The following RBBP8 variants were observed in gnomAD, a reference collection of about 807,000 sequenced individuals.
The protein encoded by RBBP8 is RB binding protein 8, endonuclease.
RBBP8 carries 88 observed loss-of-function variants against 108.3 expected under a neutral mutation model. That is an observed-to-expected ratio of 0.81 (90% CI 0.68 to 0.97). The LOEUF (loss-of-function observed/expected upper bound fraction) is 0.97. RBBP8 is among the 50% of genes least tolerant of loss of function. The pLI, the probability that RBBP8 is intolerant of heterozygous loss-of-function variation, is 0.00. For missense variants in RBBP8, 1,023 were observed against 1,049.0 expected (o/e 0.98, Z 0.34); for synonymous variants, 332 against 348.2 (o/e 0.95, Z 0.52).
chr18:23,005,689 AG>A (rs2046030834), intron 15 of RBBP8, among the ~76,000 whole-genome samples: 1 of 152,094 alleles, frequency 6.6e-6, no homozygotes, highest in Admixed American at 6.5e-5. Flanking sequence ...CTGAGATTAC[AG>A]GTGTGAGCCA....
At chr18:22,952,265 A>G (rs1002894125) in intron 4 of RBBP8, among the ~76,000 whole-genome samples, 1 of 152,208 alleles carries the variant, frequency 6.6e-6, no homozygotes, top group Non-Finnish European at 1.5e-5. Context: ...AATGTCAAGT[A>G]GATAGATGTA....
At chr18:22,927,000 T>G (rs1567938631) in intron 3 of RBBP8, among the ~76,000 whole-genome samples, 1 of 152,244 alleles carries the variant, frequency 6.6e-6, no homozygotes, top group Non-Finnish European at 1.5e-5. Flanking sequence ...CACTGATTGA[T>G]GTATACTCCC....
At chr18:23,001,828 T>C (rs1440473546) in intron 15 of RBBP8, 99 bp downstream of exon 15, 17 of 1,431,426 alleles carry the variant, frequency 1.2e-5, no homozygotes, top group Middle Eastern at 1.8e-4. Context: ...ATATCAACAA[T>C]TGAAGTTTCA....
chr18:23,023,869 C>CTTTTTTTTTTT (rs10655759), intron 18 of RBBP8, among the ~76,000 whole-genome samples: 3 of 86,118 alleles, frequency 3.5e-5, no homozygotes, highest in African/African-American at 9.3e-5. Context: ...ATGAAGGGGC[C>CTTTTTTTTTTT]TTTTTTTTTT....
In RBBP8 at chr18:22,968,855, C is replaced by T. The variant is rs373804633; in HGVS notation, c.298C>T (p.Arg100Trp). ...CTGTGCAGTAACTGAAGAACATATGCGGAAAAAACAGCAAGAGTTTGAAAA... is the reference window on the plus strand; with the variant it reads ...CTGTGCAGTAACTGAAGAACATATGTGGAAAAAACAGCAAGAGTTTGAAAA... Reference protein sequence around the residue: ...DRCAVTEEHMRKKQQEFENIR... With the variant: ...DRCAVTEEHMWKKQQEFENIR... Residue 100 changes from arginine (R) to tryptophan (W), a missense_variant, in exon 5 of 19, where the codon CGG (arginine) becomes TGG (tryptophan). Transcript: ENST00000327155. The T allele has an allele frequency of 5.3e-5, 85 of 1,613,214 alleles. No homozygotes were observed. In the Middle Eastern group the frequency reaches 4.0e-3, roughly 75 times the overall value.
chr18:22,927,681 A>G (rs1909842822), intron 3 of RBBP8, among the ~76,000 whole-genome samples: 1 of 152,122 alleles, frequency 6.6e-6, no homozygotes, highest in South Asian at 2.1e-4. Context: ...TTTTAGATAA[A>G]CTGGGTTAAA....
At position 23,009,572 on chromosome 18, in the gene RBBP8, A is replaced by G. The variant is rs1052891518; in HGVS notation, c.2357+3140A>G. 4.0e-5 allele frequency among the ~76,000 whole-genome samples: 6 copies of G among 151,084 alleles called. No homozygotes were observed. The East Asian group carries it at 5.8e-4, about 15-fold the overall frequency. ...TATATAATGGACACAAAGTATGTAC[A>G]TTGTACCAGACTACAAGTATATTCA... On this transcript the variant is annotated intron_variant, in intron 16 of 18. Coordinates refer to ENST00000327155, the MANE Select transcript of RBBP8 (RefSeq NM_002894.3).
chr18:22,979,950 A>G (rs1208035697), intron 6 of RBBP8, among the ~76,000 whole-genome samples: 1 of 152,220 alleles, frequency 6.6e-6, no homozygotes, highest in East Asian at 1.9e-4. Flanking sequence ...CAATAGATAC[A>G]ATAAATAAAT....
At position 22,964,382 on chromosome 18, in the gene RBBP8, T is replaced by TC. The variant is rs1221350637; in HGVS notation, c.249-4424_249-4423insC. On this transcript the variant is annotated intron_variant, in intron 4 of 18. Transcript: ENST00000327155. ...TGTGCTGGAGACTTAGGTTTTTTTT[T>TC]TTTTTTTCTTTTCAGTCCTTTAAGT... Among the ~76,000 whole-genome samples the TC allele has an allele frequency of 3.3e-5, 5 of 151,266 alleles. No homozygotes were observed. In the East Asian group the frequency reaches 9.7e-4, roughly 29 times the overall value.
chr18:23,017,741 C>CTTTTTTTTTTTTT (rs928545363), intron 17 of RBBP8, among the ~76,000 whole-genome samples: 1 of 89,196 alleles, frequency 1.1e-5, no homozygotes, highest in African/African-American at 5.0e-5. Context: ...AATATAAGTT[C>CTTTTTTTTTTTTT]TTTTTTTTTT....
At chr18:23,008,769 A>ATT (rs71161355) in intron 16 of RBBP8, among the ~76,000 whole-genome samples, 8,033 of 99,924 alleles carry the variant, frequency 0.08, 1,056 homozygotes, top group African/African-American at 0.19. Flanking sequence ...TATGACTTTG[A>ATT]TTTTTTTTTT....
Position 22,984,484 on chromosome 18 carries a change from A to G in RBBP8, c.605-402A>G, listed in dbSNP as rs113434695. 2.5e-3 allele frequency among the ~76,000 whole-genome samples: 387 copies of G among 152,316 alleles called. 2 individuals carry two copies. Among genetic ancestry groups the G allele is most frequent in the Middle Eastern group, 0.017 (5 of 294 alleles). On this transcript the variant is annotated intron_variant, in intron 7 of 18. Transcript: ENST00000327155. ...ACTACAGCCTGGAACTTTTAGGCTC[A>G]AGAGATCCTCCTGCCTCAGCCTCCC...
intron 3 of RBBP8, among the ~76,000 whole-genome samples, chr18:22,949,232 A>G (rs1227894358): frequency 2.0e-5 from 3 of 152,238 alleles, no homozygotes; most frequent in Admixed American, 2.0e-4. Context: ...GCTCTGACTT[A>G]AAAGCAAGAC....
chr18:22,982,514 A>G lies in RBBP8; in HGVS notation c.604+121A>G, dbSNP rs572528332. 2.6e-6 allele frequency: 4 copies of G among 1,549,870 alleles called. No individual in the cohort carries two copies. The South Asian group carries it at 3.5e-5, about 14-fold the overall frequency. On this transcript the variant is annotated intron_variant, in intron 7 of 18. Transcript: ENST00000327155. ...CACTATTCTGGTATCCCATGGTACAACTATGAGTTTAACTTCTATTTGTAA... is the reference window on the plus strand; with the variant it reads ...CACTATTCTGGTATCCCATGGTACAGCTATGAGTTTAACTTCTATTTGTAA...
intron 4 of RBBP8, among the ~76,000 whole-genome samples, chr18:22,956,817 A>G (rs1912598476): frequency 6.6e-6 from 1 of 152,132 alleles, no homozygotes; most frequent in African/African-American, 2.4e-5. Context: ...TTTAATGATT[A>G]TTATGTTTTA....
At chr18:22,983,272 G>T (rs1176423048) in intron 7 of RBBP8, among the ~76,000 whole-genome samples, 1 of 152,134 alleles carries the variant, frequency 6.6e-6, no homozygotes. Flanking sequence ...GGATATATAT[G>T]TACTACTATA....
chr18:22,961,833 C>T (rs990799424), intron 4 of RBBP8, among the ~76,000 whole-genome samples: 1 of 152,162 alleles, frequency 6.6e-6, no homozygotes, highest in African/African-American at 2.4e-5. Flanking sequence ...CCTGCAGATT[C>T]TAATTCAGTT....
intron 18 of RBBP8, among the ~76,000 whole-genome samples, chr18:23,022,593 C>A: frequency 1.9e-5 from 1 of 51,404 alleles, no homozygotes; most frequent in Non-Finnish European, 3.5e-5. Context: ...CAGAACAAGA[C>A]TCTGTCTCAA....
rs541808969 is a variant in RBBP8, at chr18:22,962,650, G to A, written c.249-6156G>A. On this transcript the variant is annotated intron_variant, in intron 4 of 18. Transcript: ENST00000327155. ...TGGCTCACTGCAACCTCCACCTCTC[G>A]GGTTCAAGTGATCCCCCCGAGCTCA... Among the ~76,000 whole-genome samples, 14 of 151,504 alleles carry A rather than the reference G, an allele frequency of 9.2e-5. No individual in the cohort carries two copies. In the East Asian group the frequency reaches 2.1e-3, roughly 23 times the overall value.
Sources: gnomAD v4.1 joint callset for allele counts (sites outside exome capture counted in the v4.1 genomes callset) on GRCh38, gnomAD v4.1.1 for gene constraint, MANE v1.5 for transcripts, NCBI Gene and HGNC (gene_info 2026-07-23, HGNC 2026-07-21) for gene names.